MAGI1: variants seen among roughly 807,000 people sequenced by gnomAD.
MAGI1 encodes membrane-associated guanylate kinase, WW and PDZ domain-containing protein 1.
In MAGI1, 58 loss-of-function variants were observed where a neutral mutation model predicts 139.9. That is an observed-to-expected ratio of 0.41 (90% CI 0.34 to 0.52). The LOEUF (loss-of-function observed/expected upper bound fraction) is 0.52. Among genes scored for constraint, MAGI1 ranks in the 20% least tolerant of loss-of-function variants. The probability of loss-of-function intolerance (pLI) is 0.12; values close to 1 mark genes in which losing one functional copy is unlikely to be tolerated. For missense variants in MAGI1, 1,874 were observed against 1,901.6 expected (o/e 0.99, Z 0.27); for synonymous variants, 812 against 737.9 (o/e 1.10, Z -1.63).
At chr3:65,501,625 C>G (rs1284161643) in intron 2 of MAGI1, among the ~76,000 whole-genome samples, 1 of 152,010 alleles carries the variant, frequency 6.6e-6, no homozygotes, top group African/African-American at 2.4e-5. Flanking sequence ...AATGGTACAA[C>G]CATTTGGGGA....
chr3:65,524,783 C>A (rs112661926), intron 2 of MAGI1, among the ~76,000 whole-genome samples: 13 of 152,234 alleles, frequency 8.5e-5, no homozygotes, highest in African/African-American at 3.1e-4. Flanking sequence ...AGTGGTCACT[C>A]GCATTCTAAC....
chr3:65,871,474 G>A (rs1448376027), intron 1 of MAGI1, among the ~76,000 whole-genome samples: 4 of 152,204 alleles, frequency 2.6e-5, no homozygotes, highest in Non-Finnish European at 5.9e-5. Flanking sequence ...GCAAATTTGG[G>A]AATTGCTGAA....
rs549040850 is a variant in MAGI1, at chr3:65,441,393, C to G, written c.1137-1381G>C. On this transcript the variant is annotated intron_variant, in intron 8 of 22. Transcript: ENST00000402939. The stretch of plus-strand genomic sequence containing the variant: ...CAGGTTTATCAATAGAAAGGATAGA[C>G]TGATTGCTCTTAATTTCTATTAAAG... Among the ~76,000 whole-genome samples, 104 of 152,244 alleles carry G rather than the reference C, an allele frequency of 6.8e-4. 2 individuals carry two copies. In the South Asian group the frequency reaches 0.019, roughly 28 times the overall value.
chr3:65,756,929 C>T (rs1260558323), intron 1 of MAGI1, among the ~76,000 whole-genome samples: 4 of 152,148 alleles, frequency 2.6e-5, no homozygotes, highest in Non-Finnish European at 5.9e-5. Context: ...AACCCATACA[C>T]GGAATGCCAA....
intron 1 of MAGI1, among the ~76,000 whole-genome samples, chr3:66,029,008 T>C (rs564273314): frequency 1.1e-4 from 17 of 152,288 alleles, no homozygotes; most frequent in African/African-American, 3.6e-4. Flanking sequence ...CCCTGTGTCA[T>C]GTGGTTTACT....
chr3:65,972,169 A>T (rs933306027), intron 1 of MAGI1, among the ~76,000 whole-genome samples: 5 of 152,250 alleles, frequency 3.3e-5, no homozygotes, highest in African/African-American at 1.2e-4. Flanking sequence ...TGACAGGGAC[A>T]GAAGACAGCA....
At chr3:65,617,782 A>G (rs780780012) in intron 2 of MAGI1, among the ~76,000 whole-genome samples, 1 of 152,212 alleles carries the variant, frequency 6.6e-6, no homozygotes, top group Admixed American at 6.5e-5. Flanking sequence ...ATAAAAGAAG[A>G]AAAAGAAAGA....
chr3:65,986,297 G>A (rs1013800261), intron 1 of MAGI1, among the ~76,000 whole-genome samples: 1 of 152,090 alleles, frequency 6.6e-6, no homozygotes, highest in African/African-American at 2.4e-5. Flanking sequence ...TCTTATCTTA[G>A]TAGAAATATC....
chr3:65,693,690 T>C (rs73129877), intron 1 of MAGI1, among the ~76,000 whole-genome samples: 1 of 151,836 alleles, frequency 6.6e-6, no homozygotes, highest in Non-Finnish European at 1.5e-5. Context: ...GGTATCCATA[T>C]TCAGAACAGT....
chr3:65,374,294 C>A (rs1387709302), intron 18 of MAGI1, among the ~76,000 whole-genome samples: 1 of 150,540 alleles, frequency 6.6e-6, no homozygotes, highest in Non-Finnish European at 1.5e-5. Flanking sequence ...TACTTCCTGG[C>A]CTTAGTGTAT....
intron 1 of MAGI1, among the ~76,000 whole-genome samples, chr3:65,851,425 G>A (rs923495556): frequency 6.6e-6 from 1 of 152,086 alleles, no homozygotes; most frequent in African/African-American, 2.4e-5. Context: ...ACTGGTGATG[G>A]AGTGTAAGCT....
intron 1 of MAGI1, among the ~76,000 whole-genome samples, chr3:65,691,022 G>C (rs2088579541): frequency 6.6e-6 from 1 of 152,102 alleles, no homozygotes; most frequent in South Asian, 2.1e-4. Flanking sequence ...AAGAGGTTCA[G>C]CCTGGGTGTG....
chr3:65,787,709 C>T (rs2039492381), intron 1 of MAGI1, among the ~76,000 whole-genome samples: 1 of 151,802 alleles, frequency 6.6e-6, no homozygotes, highest in South Asian at 2.1e-4. Context: ...TATGGGAACA[C>T]AGGGGTTGAA....
At chr3:65,845,674 C>T (rs967242639) in intron 1 of MAGI1, among the ~76,000 whole-genome samples, 7 of 152,226 alleles carry the variant, frequency 4.6e-5, no homozygotes, top group Non-Finnish European at 8.8e-5. Context: ...TGCCTTTGCA[C>T]TGCCAGACTG....
chr3:65,944,503 G>C (rs2063465078), intron 1 of MAGI1, among the ~76,000 whole-genome samples: 1 of 151,966 alleles, frequency 6.6e-6, no homozygotes, highest in East Asian at 1.9e-4. Context: ...GGGCAACAGA[G>C]CAAGACCCTA....
chr3:65,850,346 T>C (rs1197481190), intron 1 of MAGI1, among the ~76,000 whole-genome samples: 1 of 152,134 alleles, frequency 6.6e-6, no homozygotes, highest in Non-Finnish European at 1.5e-5. Context: ...GCAAACTTAA[T>C]CCCAGTTTGC....
chr3:65,895,077 T>A (rs2060916980), intron 1 of MAGI1, among the ~76,000 whole-genome samples: 1 of 152,228 alleles, frequency 6.6e-6, no homozygotes, highest in Non-Finnish European at 1.5e-5. Flanking sequence ...ATTTTAGATA[T>A]CTGTGATGTT....
chr3:65,981,508 GC>G (rs2065579233), intron 1 of MAGI1, among the ~76,000 whole-genome samples: 1 of 152,210 alleles, frequency 6.6e-6, no homozygotes, highest in East Asian at 1.9e-4. Context: ...GATAATAATA[GC>G]CCCTCACAGA....
chr3:65,792,031 TATACATAC>T (rs200501916), intron 1 of MAGI1, among the ~76,000 whole-genome samples: 1 of 152,004 alleles, frequency 6.6e-6, no homozygotes, highest in Non-Finnish European at 1.5e-5. Flanking sequence ...ATTTTTTTTC[TATACATAC>T]ATACATACAT....
Sources: allele counts gnomAD v4.1 joint callset (sites outside exome capture counted in the v4.1 genomes callset), GRCh38; gene constraint gnomAD v4.1.1; transcripts MANE v1.5; gene names NCBI Gene and HGNC (gene_info 2026-07-23, HGNC 2026-07-21).